MLXIPL: variants seen among roughly 807,000 people sequenced by gnomAD.
MLXIPL encodes MLX interacting protein like, also known as carbohydrate-responsive element-binding protein.
A neutral mutation model predicts 81.5 loss-of-function variants in MLXIPL; 49 were observed. That is an observed-to-expected ratio of 0.60 (90% CI 0.48 to 0.76). The LOEUF (loss-of-function observed/expected upper bound fraction) is 0.76. MLXIPL is among the 30% of genes least tolerant of loss of function. MLXIPL has a pLI of 0.00. For missense variants in MLXIPL, 1,053 were observed against 1,167.0 expected (o/e 0.90, Z 1.42); for synonymous variants, 466 against 485.5 (o/e 0.96, Z 0.53).
intron 2 of MLXIPL, among the ~76,000 whole-genome samples, chr7:73,614,237 A>G (rs1330907596): frequency 6.6e-6 from 1 of 151,742 alleles, no homozygotes; most frequent in Non-Finnish European, 1.5e-5. Context: ...AACAAAACCA[A>G]ACAAACCCCC....
At chr7:73,599,927 G>A (rs1584087652) in intron 7 of MLXIPL, among the ~76,000 whole-genome samples, 1 of 152,188 alleles carries the variant, frequency 6.6e-6, no homozygotes, top group East Asian at 1.9e-4. Context: ...GAGAGCAGGG[G>A]ACTGTGGATG....
chr7:73,599,574 G>A lies in MLXIPL; in HGVS notation c.1023C>T (p.Pro341=), dbSNP rs374095473. The A allele has an allele frequency of 7.0e-5, 113 of 1,612,772 alleles. No individual in the cohort carries two copies. The highest frequency in any genetic ancestry group is 9.6e-5 in the Non-Finnish European group (113 of 1,179,476). The change falls in exon 8 of 17, where the codon CCC becomes CCT. Residue 341 remains proline, a synonymous_variant. Coordinates refer to ENST00000313375, the MANE Select transcript of MLXIPL (RefSeq NM_032951.3). ...FSSGTLGPEV[P]PASSAMTHLS... is the part of the protein sequence containing the mutation. The stretch of plus-strand genomic sequence containing the variant: ...GGTGGGTCATGGCCGAGGAAGCCGG[G>A]GGCACCTCTGGGCCCAGGGTCCCAC...
At chr7:73,600,177 G>T (rs1025818294) in intron 7 of MLXIPL, among the ~76,000 whole-genome samples, 29 of 151,662 alleles carry the variant, frequency 1.9e-4, no homozygotes, top group African/African-American at 7.0e-4. Flanking sequence ...GAGGGGGAAC[G>T]TGAGGTCACT....
At position 73,593,817 on chromosome 7, in the gene MLXIPL, G is replaced by T. The variant is rs781834981; in HGVS notation, c.*48C>A. ...ATGATCCCTGGAGCCCGTGCCCAGG[G>T]AAAGCAGCCCCCAGGGCAGCTGAGT... is the stretch of plus-strand genomic sequence containing the variant. On this transcript the variant is annotated 3_prime_UTR_variant, in exon 17 of 17. Transcript: ENST00000313375. 6.6e-7 allele frequency: 1 copy of T among 1,514,114 alleles called. No individual in the cohort carries two copies. The highest frequency in any genetic ancestry group is 1.7e-5 in the Admixed American group (1 of 59,846). The allele number at this position is 1,514,114 out of a possible 1,614,324, so 93.8% of individuals were successfully genotyped here. A position where few individuals can be genotyped will look rare whatever the true frequency, so the allele number is the denominator to read the frequency against.
intron 2 of MLXIPL, 66 bp from the exon 3 acceptor site, chr7:73,607,738 G>T: frequency 7.0e-7 from 1 of 1,428,378 alleles, no homozygotes; most frequent in Non-Finnish European, 9.8e-7. Flanking sequence ...CCAGGGGACT[G>T]GGACTCAAGT....
intron 7 of MLXIPL, among the ~76,000 whole-genome samples, chr7:73,600,416 T>G (rs1218020809): frequency 2.3e-3 from 15 of 6,544 alleles, no homozygotes; most frequent in Non-Finnish European, 3.2e-3. Flanking sequence ...AAGTGGGGTG[T>G]GGGCAAGAGG....
intron 1 of MLXIPL, among the ~76,000 whole-genome samples, 160 bp from the exon 2 acceptor site, chr7:73,616,337 G>A (rs1554600789): frequency 6.6e-6 from 1 of 152,180 alleles, no homozygotes; most frequent in African/African-American, 2.4e-5. Flanking sequence ...CCTATCCAGA[G>A]AGTCAGACCT....
In MLXIPL at chr7:73,607,379, C is replaced by G. The variant is rs782793675; in HGVS notation, c.525G>C (p.Glu175Asp). The change falls in exon 4 of 17, where the codon GAG (glutamate) becomes GAC (aspartate). Residue 175 changes from glutamate to aspartate, a missense_variant. By Grantham distance (45) the Glu-to-Asp change is conservative (BLOSUM62 2). This residue lies in a region of MLXIPL where 823 missense variants were observed against 933.0 expected (regional missense o/e 0.88). Transcript: ENST00000313375. ...LEGNYWKRRIEVVMREYHKWR... is the reference protein window; with the variant it reads ...LEGNYWKRRIDVVMREYHKWR... ...ACTTGTGGTATTCCCGCATCACCACCTCGATGCGCCGCTTCCAGTAGTTCC... is the reference window on the plus strand; with the variant it reads ...ACTTGTGGTATTCCCGCATCACCACGTCGATGCGCCGCTTCCAGTAGTTCC... 2 of 1,565,216 alleles carry G rather than the reference C, an allele frequency of 1.3e-6. No homozygotes were observed. The highest frequency in any genetic ancestry group is 8.7e-7 in the Non-Finnish European group (1 of 1,154,566).
chr7:73,607,080 CA>C (rs1219564801), intron 4 of MLXIPL, 62 bp from the exon 5 acceptor site: 8 of 1,583,678 alleles, frequency 5.1e-6, no homozygotes, highest in Non-Finnish European at 6.9e-6. Flanking sequence ...ACTTTCCCCC[CA>C]AAGTCTCCTC....
intron 15 of MLXIPL, among the ~76,000 whole-genome samples, chr7:73,594,971 G>A (rs1260551341): frequency 4.6e-5 from 7 of 151,300 alleles, no homozygotes; most frequent in Non-Finnish European, 8.8e-5. Context: ...TCAGCCTCCC[G>A]AGTAGTTGGG....
intron 2 of MLXIPL, chr7:73,609,859 AT>A (rs1795577202): frequency 1.3e-5 from 2 of 151,814 alleles, no homozygotes; most frequent in African/African-American, 2.4e-5. Context: ...TTTAAAAAAA[AT>A]TCAACATGGT....
chr7:73,613,606 A>T lies in MLXIPL; in HGVS notation c.400+2465T>A, dbSNP rs72649038. On this transcript the variant is annotated intron_variant, in intron 2 of 16. Coordinates refer to ENST00000313375, the MANE Select transcript of MLXIPL (RefSeq NM_032951.3). ...GAGCAAGACTGTTTCAAAAAAAAGA[A>T]AACCAAGAAAAAACAAATAGGACCT... Among the ~76,000 whole-genome samples, 851 of 152,260 alleles carry T rather than the reference A, an allele frequency of 5.6e-3. 13 individuals are homozygous for T. Among genetic ancestry groups the T allele is most frequent in the South Asian group, 0.042 (203 of 4,820 alleles).
At chr7:73,617,012 T>C (rs1417052692) in intron 1 of MLXIPL, among the ~76,000 whole-genome samples, 3 of 152,012 alleles carry the variant, frequency 2.0e-5, no homozygotes, top group African/African-American at 7.2e-5. Flanking sequence ...GGTTTGGTTT[T>C]TTTTGGTTTG....
intron 1 of MLXIPL, among the ~76,000 whole-genome samples, chr7:73,619,122 G>T (rs1187188993): frequency 6.6e-6 from 1 of 152,144 alleles, no homozygotes; most frequent in African/African-American, 2.4e-5. Flanking sequence ...CCAGGAGTTT[G>T]AGATCAGCAT....
rs375888377 is a variant in MLXIPL, at chr7:73,606,931, G to T, written c.618+43C>A. 280 of 1,606,758 alleles carry T rather than the reference G, an allele frequency of 1.7e-4. No individual in the cohort carries two copies. In the Middle Eastern group the frequency reaches 1.8e-3, roughly 10 times the overall value. ...AACTCTGCCTCCCATCTACTTGGGG[G>T]GCAAAGGGATGCCCTTGCCTGCTGG... On this transcript the variant is annotated intron_variant, in intron 5 of 16. Coordinates refer to ENST00000313375, the MANE Select transcript of MLXIPL (RefSeq NM_032951.3).
At position 73,596,190 on chromosome 7, in the gene MLXIPL, C is replaced by A; in HGVS notation, c.2021G>T (p.Gly674Val). 1 of 1,613,412 alleles carries A rather than the reference C, an allele frequency of 6.2e-7. No individual in the cohort carries two copies. ...CTGGGCACTGAGTGTGCTCACGAGC[C>A]CATGAAGGGTGTCAAACCCCAGCTT... ...NIKLGFDTLH[G>V]LVSTLSAQPS... The change falls in exon 13 of 17, where the codon GGG becomes GTG. Residue 674 changes from glycine (G) to valine (V), a missense_variant. Physicochemically the swap from Gly to Val is moderately radical, Grantham distance 109 (BLOSUM62 -3). Around this residue, in one of 3 missense-constraint regions of MLXIPL, gnomAD observed 823 missense variants for 933.0 expected, o/e 0.88. Coordinates refer to ENST00000313375, the MANE Select transcript of MLXIPL (RefSeq NM_032951.3). This position sits in a 1 kb window ranked among gnomAD's most constrained non-coding sequence, Gnocchi z 4.7.
intron 7 of MLXIPL, among the ~76,000 whole-genome samples, chr7:73,604,215 C>CAA (rs55693159): frequency 3.6e-4 from 18 of 50,032 alleles, no homozygotes; most frequent in Non-Finnish European, 3.9e-4. Context: ...GACTCCGTCT[C>CAA]AAAAAAAAAA....
the MLXIPL span, among the ~76,000 whole-genome samples, chr7:73,632,174 AT>A: frequency 2.9e-4 from 44 of 150,406 alleles, no homozygotes; most frequent in South Asian, 8.4e-4. Flanking sequence ...TTATTTATTT[AT>A]TTTTTTTGTA....
In MLXIPL at chr7:73,597,375, G is replaced by T; in HGVS notation, c.1410C>A (p.Phe470Leu). The change falls in exon 9 of 17, where the codon TTC (phenylalanine) becomes TTA (leucine). Residue 470 changes from phenylalanine to leucine, a missense_variant. Phe to Leu is a conservative substitution (Grantham distance 22). Around this residue, in one of 3 missense-constraint regions of MLXIPL, gnomAD observed 823 missense variants for 933.0 expected, o/e 0.88. Transcript: ENST00000313375. ...ACCCCAAGGGTAGAAGCTCTATGGGGAAGGGGGTGGGGGCTGGGCTGGGGA... is the reference window on the plus strand; with the variant it reads ...ACCCCAAGGGTAGAAGCTCTATGGGTAAGGGGGTGGGGGCTGGGCTGGGGA... ...QSVPSPAPTP[F>L]PIELLPLGYS... The T allele has an allele frequency of 7.6e-7, 1 of 1,315,212 alleles. No individual in the cohort carries two copies. Among genetic ancestry groups the T allele is most frequent in the Non-Finnish European group, 1.0e-6 (1 of 988,014 alleles). 81.5% of individuals were successfully genotyped at this position (1,315,212 alleles called of 1,614,324 possible).
Sources: allele counts gnomAD v4.1 joint callset (sites outside exome capture counted in the v4.1 genomes callset), GRCh38; gene constraint gnomAD v4.1.1; regional missense constraint gnomAD v4.1.1; non-coding constraint Gnocchi (gnomAD v3.1); transcripts MANE v1.5; gene names NCBI Gene and HGNC (gene_info 2026-07-23, HGNC 2026-07-21).